Variants in HSD11B1 observed in about 807,000 individuals in gnomAD.
HSD11B1 encodes the protein 11-beta-hydroxysteroid dehydrogenase 1.
In HSD11B1, 15 loss-of-function variants were observed where a neutral mutation model predicts 22.1. The observed-to-expected ratio is 0.68, with a 90% CI of 0.45 to 1.04. HSD11B1 has a LOEUF of 1.04. HSD11B1 is among the 50% of genes least tolerant of loss of function. The pLI is 0.00. For missense variants in HSD11B1, 281 were observed against 357.6 expected, an observed-to-expected ratio of 0.79 and a Z score of 1.73; for synonymous variants, 122 against 125.2, an observed-to-expected ratio of 0.97 and a Z score of 0.17.
At chr1:209,729,132 G>A (rs1237656307) in intron 4 of HSD11B1, among the ~76,000 whole-genome samples, 3 of 152,150 alleles carry the variant, frequency 2.0e-5, no homozygotes, top group African/African-American at 4.8e-5. Flanking sequence ...GCCGAGGCAG[G>A]TGGATCACTT....
At chr1:209,699,492 C>T (rs989709693) in intron 1 of HSD11B1, among the ~76,000 whole-genome samples, 4 of 151,968 alleles carry the variant, frequency 2.6e-5, no homozygotes, top group African/African-American at 9.7e-5. Flanking sequence ...AAAGACTGGC[C>T]CCCATGATTC....
intron 4 of HSD11B1, among the ~76,000 whole-genome samples, chr1:209,724,501 C>G (rs530323101): frequency 3.9e-5 from 6 of 152,298 alleles, no homozygotes; most frequent in Admixed American, 3.9e-4. Context: ...ACGTGGAAGC[C>G]TTTGCCAATT....
chr1:209,727,404 G>A (rs2077009861), intron 4 of HSD11B1, among the ~76,000 whole-genome samples: 1 of 152,190 alleles, frequency 6.6e-6, no homozygotes, highest in South Asian at 2.1e-4. Flanking sequence ...TGAATACAAA[G>A]GGACTAGGAG....
chr1:209,725,150 A>G (rs140529825), intron 4 of HSD11B1, among the ~76,000 whole-genome samples: 129 of 152,252 alleles, frequency 8.5e-4, no homozygotes, highest in African/African-American at 3.0e-3. Context: ...CTCCAACCCT[A>G]CTGGAGATGC....
chr1:209,708,421 T>C lies in HSD11B1; in HGVS notation c.517+1293T>C, dbSNP rs548738715. Among the ~76,000 whole-genome samples, 5 of 152,356 alleles carry C rather than the reference T, an allele frequency of 3.3e-5. No homozygotes were observed. In the South Asian group the frequency reaches 1.0e-3, roughly 32 times the overall value. On this transcript the variant is annotated intron_variant, in intron 4 of 5. Coordinates refer to ENST00000367027, the MANE Select transcript of HSD11B1 (RefSeq NM_005525.4). The stretch of plus-strand genomic sequence containing the variant: ...TCTGGCCCAGGGACGGCCTGCATAG[T>C]GATTGGATAAAGGGGCAGTGTGTCT...
intron 1 of HSD11B1, among the ~76,000 whole-genome samples, chr1:209,689,131 A>G (rs1166104621): frequency 6.6e-6 from 1 of 152,220 alleles, no homozygotes; most frequent in African/African-American, 2.4e-5. Context: ...GGAGCTGGAA[A>G]TAGCGAGATT....
intron 4 of HSD11B1, among the ~76,000 whole-genome samples, 171 bp from the exon 5 acceptor site, chr1:209,732,265 A>C (rs1339403975): frequency 6.6e-6 from 1 of 152,176 alleles, no homozygotes; most frequent in Non-Finnish European, 1.5e-5. Flanking sequence ...TGCCTTCGAT[A>C]CCTTAATGTT....
At chr1:209,693,109 A>G (rs2076771024) in intron 1 of HSD11B1, among the ~76,000 whole-genome samples, 1 of 152,202 alleles carries the variant, frequency 6.6e-6, no homozygotes, top group African/African-American at 2.4e-5. Flanking sequence ...TGGCAGAAGC[A>G]TGTTAAAATT....
At chr1:209,693,339 A>G (rs926930263) in intron 1 of HSD11B1, among the ~76,000 whole-genome samples, 5 of 152,214 alleles carry the variant, frequency 3.3e-5, no homozygotes, top group African/African-American at 1.2e-4. Context: ...TGTGGTCAAT[A>G]CTGAGGAAGA....
At chr1:209,708,056 G>C (rs1207192605) in intron 4 of HSD11B1, among the ~76,000 whole-genome samples, 1 of 152,214 alleles carries the variant, frequency 6.6e-6, no homozygotes, top group Non-Finnish European at 1.5e-5. Flanking sequence ...AAATGGTCAT[G>C]AAAAGATATC....
intron 1 of HSD11B1, among the ~76,000 whole-genome samples, chr1:209,696,299 T>C (rs1177195127): frequency 6.6e-6 from 1 of 152,230 alleles, no homozygotes; most frequent in Non-Finnish European, 1.5e-5. Flanking sequence ...TGCAAATTTA[T>C]TCAAAATCAT....
At chr1:209,719,727 G>T (rs1462347328) in intron 4 of HSD11B1, among the ~76,000 whole-genome samples, 3 of 152,180 alleles carry the variant, frequency 2.0e-5, no homozygotes, top group African/African-American at 7.2e-5. Context: ...CAAAGGACAT[G>T]AACTCATCCT....
chr1:209,729,363 A>AACACACACACACACACAC (rs34574844), intron 4 of HSD11B1, among the ~76,000 whole-genome samples: 13 of 146,438 alleles, frequency 8.9e-5, no homozygotes, highest in East Asian at 4.0e-4. Context: ...TGCCTCGGAA[A>AACACACACACACACACAC]ACACACACAC....
chr1:209,709,896 G>A (rs1054598952), intron 4 of HSD11B1, among the ~76,000 whole-genome samples: 2 of 150,082 alleles, frequency 1.3e-5, no homozygotes, highest in African/African-American at 4.9e-5. Flanking sequence ...AAACACATAA[G>A]ACTAGAAAAA....
chr1:209,730,256 A>G (rs1194266135), intron 4 of HSD11B1, among the ~76,000 whole-genome samples: 1 of 152,238 alleles, frequency 6.6e-6, no homozygotes, highest in Non-Finnish European at 1.5e-5. Context: ...CTTTTGGTGG[A>G]CTTACATGAC....
upstream of HSD11B1, among the ~76,000 whole-genome samples, chr1:209,703,294 T>C (rs2076835694): frequency 6.6e-6 from 1 of 152,212 alleles, no homozygotes; most frequent in Non-Finnish European, 1.5e-5. Context: ...AGTATAGGAT[T>C]AAGAAAATAA....
upstream of HSD11B1, among the ~76,000 whole-genome samples, chr1:209,703,066 T>C (rs1347401689): frequency 6.6e-6 from 1 of 152,248 alleles, no homozygotes; most frequent in Non-Finnish European, 1.5e-5. Flanking sequence ...TCAGCAATTG[T>C]TAATGCATTT....
At chr1:209,714,028 T>TTCATTCAC (rs1460378365) in intron 4 of HSD11B1, among the ~76,000 whole-genome samples, 1 of 152,144 alleles carries the variant, frequency 6.6e-6, no homozygotes, top group African/African-American at 2.4e-5. Context: ...AATATACTCA[T>TTCATTCAC]TCATTCATTC....
intron 4 of HSD11B1, among the ~76,000 whole-genome samples, chr1:209,718,577 C>G (rs533251743): frequency 5.3e-5 from 8 of 152,126 alleles, no homozygotes; most frequent in African/African-American, 1.9e-4. Context: ...ACAGAAATAG[C>G]AAGTATTGGT....
Sources: allele counts gnomAD v4.1 joint callset (sites outside exome capture counted in the v4.1 genomes callset), GRCh38; gene constraint gnomAD v4.1.1; transcripts MANE v1.5; gene names NCBI Gene and HGNC (gene_info 2026-07-23, HGNC 2026-07-21).